Variants in SLC24A2 observed in about 807,000 individuals in gnomAD.
The protein encoded by SLC24A2 is sodium/potassium/calcium exchanger 2.
SLC24A2 carries 36 observed loss-of-function variants against 62.0 expected under a neutral mutation model. The observed-to-expected ratio is 0.58, with a 90% CI of 0.44 to 0.77. The LOEUF is 0.77. Among genes scored for constraint, SLC24A2 ranks in the 30% least tolerant of loss-of-function variants. The pLI is 0.00. For missense variants in SLC24A2, 846 were observed against 817.9 expected, an observed-to-expected ratio of 1.03 and a Z score of -0.42; for synonymous variants, 358 against 294.0, an observed-to-expected ratio of 1.22 and a Z score of -2.23.
At chr9:19,958,477 C>A in the SLC24A2 span, among the ~76,000 whole-genome samples, 10 of 152,158 alleles carry the variant, frequency 6.6e-5, no homozygotes, top group Non-Finnish European at 1.3e-4. Context: ...CAGTCAGGAC[C>A]CAAGCCACGG....
intron 4 of SLC24A2, among the ~76,000 whole-genome samples, chr9:19,604,328 G>C (rs185717252): frequency 2.0e-5 from 3 of 152,246 alleles, no homozygotes; most frequent in Admixed American, 2.0e-4. Context: ...TCATGCAGAA[G>C]AGCCATCAGG....
At chr9:19,589,883 T>C (rs974122193) in intron 5 of SLC24A2, among the ~76,000 whole-genome samples, 1 of 152,130 alleles carries the variant, frequency 6.6e-6, no homozygotes, top group East Asian at 1.9e-4. Flanking sequence ...CATCAAAGCA[T>C]CCATTATCTG....
At chr9:19,929,405 C>T in the SLC24A2 span, 3 of 152,294 alleles carry the variant, frequency 2.0e-5, no homozygotes, top group African/African-American at 7.2e-5. Context: ...TGTATACAAT[C>T]ATGCACTGCA....
the SLC24A2 span, among the ~76,000 whole-genome samples, chr9:20,066,737 G>C: frequency 6.6e-6 from 1 of 152,138 alleles, no homozygotes; most frequent in Non-Finnish European, 1.5e-5. Flanking sequence ...AAGAAATATA[G>C]TTTTGGAAAT....
chr9:19,588,575 CA>C (rs1476888969), intron 5 of SLC24A2, among the ~76,000 whole-genome samples: 1 of 149,872 alleles, frequency 6.7e-6, no homozygotes, highest in Non-Finnish European at 1.5e-5. Context: ...GTTTCTAAAA[CA>C]AGTAAATTAG....
chr9:19,573,281 G>C (rs1210816403), intron 7 of SLC24A2, 70 bp downstream of exon 7: 1 of 1,030,270 alleles, frequency 9.7e-7, no homozygotes, highest in Non-Finnish European at 1.5e-6. Context: ...GAGAATATAG[G>C]GTCTGTGCTG....
chr9:20,198,840 A>T, the SLC24A2 span, among the ~76,000 whole-genome samples: 1 of 152,224 alleles, frequency 6.6e-6, no homozygotes, highest in South Asian at 2.1e-4. Context: ...TTGTGCCATG[A>T]GAAATCAGTT....
rs968237610 is a variant in SLC24A2 at position 19,566,093 on chromosome 9, A to T, written c.1347+7258T>A. On this transcript the variant is annotated intron_variant, in intron 7 of 10. Transcript: ENST00000341998. ...GTCTAAAACACCAAAAGCAATGGCAACAGAAGTCAAAATTGACAAATGGAA... is the reference window on the plus strand; with the variant it reads ...GTCTAAAACACCAAAAGCAATGGCATCAGAAGTCAAAATTGACAAATGGAA... 2.2e-4 allele frequency among the ~76,000 whole-genome samples: 34 copies of T among 152,354 alleles called. No individual in the cohort carries two copies. The East Asian group carries it at 2.7e-3, about 12-fold the overall frequency.
the SLC24A2 span, among the ~76,000 whole-genome samples, chr9:20,223,738 G>T: frequency 6.6e-6 from 1 of 152,108 alleles, no homozygotes; most frequent in Non-Finnish European, 1.5e-5. Context: ...TAAGACAGAT[G>T]ATTATTTAAT....
At chr9:19,685,610 A>G (rs1041346208) in intron 2 of SLC24A2, among the ~76,000 whole-genome samples, 1 of 152,110 alleles carries the variant, frequency 6.6e-6, no homozygotes, top group Non-Finnish European at 1.5e-5. Flanking sequence ...GAACCCAGAA[A>G]TAAAGCCACC....
At chr9:20,178,828 TAG>T in the SLC24A2 span, among the ~76,000 whole-genome samples, 1 of 152,146 alleles carries the variant, frequency 6.6e-6, no homozygotes, top group Non-Finnish European at 1.5e-5. Flanking sequence ...TTGATACATT[TAG>T]AGTTTTTAAA....
the SLC24A2 span, among the ~76,000 whole-genome samples, chr9:20,130,511 G>T: frequency 3.3e-5 from 5 of 151,782 alleles, no homozygotes; most frequent in Non-Finnish European, 7.4e-5. Flanking sequence ...ACCTAAGGCA[G>T]GAAAGGCTTT....
At chr9:19,969,863 G>C in the SLC24A2 span, among the ~76,000 whole-genome samples, 1 of 152,172 alleles carries the variant, frequency 6.6e-6, no homozygotes, top group Non-Finnish European at 1.5e-5. Flanking sequence ...AAGGGATGAA[G>C]ACTGGTCCCA....
intron 2 of SLC24A2, among the ~76,000 whole-genome samples, chr9:19,693,742 G>T (rs1259265666): frequency 1.3e-5 from 2 of 152,050 alleles, no homozygotes; most frequent in East Asian, 1.9e-4. Context: ...GTTGGGAAAA[G>T]ATGAGTTTGA....
At chr9:20,206,271 G>A in the SLC24A2 span, among the ~76,000 whole-genome samples, 1 of 152,052 alleles carries the variant, frequency 6.6e-6, no homozygotes, top group Non-Finnish European at 1.5e-5. Flanking sequence ...TGTCAGGCTG[G>A]ATTTTCTACA....
At chr9:19,553,227 G>GT (rs1295929706) in intron 7 of SLC24A2, among the ~76,000 whole-genome samples, 3 of 152,232 alleles carry the variant, frequency 2.0e-5, no homozygotes, top group East Asian at 3.8e-4. Context: ...ACTGTTCCAA[G>GT]TTTGAGGCTT....
At chr9:20,106,410 GACC>G in the SLC24A2 span, among the ~76,000 whole-genome samples, 1 of 152,156 alleles carries the variant, frequency 6.6e-6, no homozygotes, top group Non-Finnish European at 1.5e-5. Context: ...GAGAATTTTA[GACC>G]AATATCCTTG....
chr9:19,861,135 C>T, the SLC24A2 span, among the ~76,000 whole-genome samples: 676 of 152,232 alleles, frequency 4.4e-3, 6 homozygotes, highest in African/African-American at 0.016. Flanking sequence ...GGGTAAGACC[C>T]AGTGCTGTGT....
intron 5 of SLC24A2, among the ~76,000 whole-genome samples, chr9:19,592,132 T>C (rs1836570431): frequency 6.6e-6 from 1 of 152,190 alleles, no homozygotes; most frequent in African/African-American, 2.4e-5. Context: ...TTCTTTGAAA[T>C]AATGGGGGTT....
Sources: allele counts gnomAD v4.1 joint callset (sites outside exome capture counted in the v4.1 genomes callset), GRCh38; gene constraint gnomAD v4.1.1; transcripts MANE v1.5; gene names NCBI Gene and HGNC (gene_info 2026-07-23, HGNC 2026-07-21).